The following DOCK1 variants were observed in gnomAD, a reference collection of about 807,000 sequenced individuals.
The protein encoded by DOCK1 is dedicator of cytokinesis protein 1.
Under a neutral mutation model 262.7 loss-of-function variants are expected in DOCK1, and 138 were observed. The observed-to-expected ratio is 0.53, with a 90% CI of 0.46 to 0.61. The LOEUF is 0.61. Ranked by LOEUF, DOCK1 falls within the 20% of genes least tolerant of loss-of-function variation. The pLI is 0.00. For missense variants in DOCK1, 1,908 were observed against 2,370.7 expected (o/e 0.80, Z 4.05); for synonymous variants, 866 against 867.4 (o/e 1.00, Z 0.03).
chr10:127,254,571 C>T (rs898000766), intron 28 of DOCK1, among the ~76,000 whole-genome samples: 2 of 152,226 alleles, frequency 1.3e-5, no homozygotes, highest in African/African-American at 2.4e-5. Flanking sequence ...CTTCCAGATC[C>T]CTCCATTGTG....
intron 4 of DOCK1, among the ~76,000 whole-genome samples, chr10:126,987,139 A>G (rs1375332870): frequency 1.3e-5 from 2 of 152,214 alleles, no homozygotes; most frequent in African/African-American, 4.8e-5. Context: ...CTGCATTTTA[A>G]TGCCACATGG....
chr10:127,364,210 G>A (rs1207999756), intron 33 of DOCK1, among the ~76,000 whole-genome samples: 2 of 152,140 alleles, frequency 1.3e-5, no homozygotes, highest in African/African-American at 4.8e-5. Context: ...CCGGGGAGGA[G>A]CACACAGGAG....
chr10:127,061,771 G>T lies in DOCK1; in HGVS notation c.2440G>T (p.Val814Leu). The change falls in exon 23 of 52, where the codon GTG becomes TTG. Residue 814 changes from valine (V) to leucine (L), a missense_variant. Coordinates refer to ENST00000623213, the MANE Select transcript of DOCK1 (RefSeq NM_001290223.2). Reference sequence around the variant, plus strand: ...CAGCATGTCAGACCAGACCGTCCGGGTGAAGGTGAGTGCCGGCCACTGCCA... The same window carrying T: ...CAGCATGTCAGACCAGACCGTCCGGTTGAAGGTGAGTGCCGGCCACTGCCA... ...MSSMSDQTVR[V>L]KGAALKYLPT... 6.3e-7 allele frequency: 1 copy of T among 1,581,510 alleles called. No individual in the cohort carries two copies. Among genetic ancestry groups the T allele is most frequent in the Non-Finnish European group, 8.6e-7 (1 of 1,163,476 alleles).
At position 127,033,108 on chromosome 10, in the gene DOCK1, T is replaced by A. The variant is rs573077340; in HGVS notation, c.1912+788T>A. 1.1e-4 allele frequency among the ~76,000 whole-genome samples: 16 copies of A among 152,316 alleles called. No individual in the cohort carries two copies. In the South Asian group the frequency reaches 3.3e-3, roughly 32 times the overall value. ...CTCAAAGGGCTTAGTGAGGGTTACATGAACAGTGGGCTGGGAGCTCACCTC... is the reference window on the plus strand; with the variant it reads ...CTCAAAGGGCTTAGTGAGGGTTACAAGAACAGTGGGCTGGGAGCTCACCTC... On this transcript the variant is annotated intron_variant, in intron 18 of 51. Coordinates refer to ENST00000623213, the MANE Select transcript of DOCK1 (RefSeq NM_001290223.2).
chr10:127,029,718 T>C (rs1199593041), intron 16 of DOCK1, among the ~76,000 whole-genome samples: 1 of 152,192 alleles, frequency 6.6e-6, no homozygotes, highest in African/African-American at 2.4e-5. Context: ...TAAAAAGCGG[T>C]CCATTCCTCG....
At chr10:127,364,119 C>T (rs927589432) in intron 33 of DOCK1, among the ~76,000 whole-genome samples, 1 of 152,176 alleles carries the variant, frequency 6.6e-6, no homozygotes, top group East Asian at 1.9e-4. Flanking sequence ...GCAGGGTGAG[C>T]CCCCAGTGTC....
chr10:127,053,853 G>C (rs1341692938), intron 22 of DOCK1, among the ~76,000 whole-genome samples: 6 of 152,122 alleles, frequency 3.9e-5, no homozygotes, highest in Admixed American at 3.9e-4. Flanking sequence ...TTGAGGGTGG[G>C]GTGTGGAATT....
intron 12 of DOCK1, among the ~76,000 whole-genome samples, chr10:127,016,733 C>A (rs1335547097): frequency 8.1e-4 from 46 of 57,040 alleles, no homozygotes; most frequent in African/African-American, 3.6e-3. Context: ...CACACACACA[C>A]CACACACACA....
intron 25 of DOCK1, among the ~76,000 whole-genome samples, chr10:127,120,005 C>T (rs2049448975): frequency 6.6e-6 from 1 of 152,204 alleles, no homozygotes; most frequent in South Asian, 2.1e-4. Flanking sequence ...TGAATTATTG[C>T]TGTCTGTAAT....
chr10:126,927,688 C>A (rs1023253017), intron 1 of DOCK1, among the ~76,000 whole-genome samples: 10 of 152,172 alleles, frequency 6.6e-5, no homozygotes, highest in Admixed American at 2.6e-4. Context: ...CCGCCCACCT[C>A]GGCCTCCCAA....
chr10:126,941,634 T>C (rs920619973), intron 1 of DOCK1, among the ~76,000 whole-genome samples: 1 of 152,046 alleles, frequency 6.6e-6, no homozygotes, highest in African/African-American at 2.4e-5. Flanking sequence ...CGGGTGCCTG[T>C]AGTCCCGCTA....
intron 43 of DOCK1, 29 bp from the exon 44 acceptor site, chr10:127,415,123 C>G (rs572042764): frequency 1.3e-6 from 2 of 1,597,600 alleles, no homozygotes; most frequent in Non-Finnish European, 1.7e-6. Context: ...CCTTCTAACC[C>G]GTGTTGTGTG....
intron 23 of DOCK1, among the ~76,000 whole-genome samples, chr10:127,074,617 C>G (rs2046408831): frequency 6.6e-6 from 1 of 152,084 alleles, no homozygotes; most frequent in African/African-American, 2.4e-5. Flanking sequence ...AAAAGTGTAT[C>G]TTATTAAAAC....
At chr10:126,998,071 T>C (rs1472677070) in intron 7 of DOCK1, 21 bp from the exon 8 acceptor site, 2 of 1,613,326 alleles carry the variant, frequency 1.2e-6, no homozygotes, top group Non-Finnish European at 8.5e-7. Flanking sequence ...GGGTTGACTT[T>C]CTGTTTCCTT....
intron 27 of DOCK1, among the ~76,000 whole-genome samples, chr10:127,190,949 A>G (rs1371836718): frequency 2.0e-5 from 3 of 151,848 alleles, no homozygotes; most frequent in Non-Finnish European, 4.4e-5. Context: ...CTGAGAATAT[A>G]TGTTCTTGTT....
intron 25 of DOCK1, among the ~76,000 whole-genome samples, chr10:127,122,222 G>A (rs2049634309): frequency 6.6e-6 from 1 of 152,140 alleles, no homozygotes; most frequent in South Asian, 2.1e-4. Flanking sequence ...CCTTTCTTTG[G>A]GGGCCTGGGA....
chr10:127,024,786 AT>A lies in DOCK1; in HGVS notation c.1551+5del. ...CACGCTGGTTTGAGACTGTTAAGGT[AT>A]TATTTACATGGTCATTTTATCACAT... is the stretch of plus-strand genomic sequence containing the variant. On this transcript the variant is annotated splice_donor_region_variant and intron_variant, in intron 15 of 51. Transcript: ENST00000623213. 6.3e-7 allele frequency: 1 copy of A among 1,595,342 alleles called. No individual in the cohort carries two copies. Among genetic ancestry groups the A allele is most frequent in the East Asian group, 2.2e-5 (1 of 44,486 alleles).
intron 1 of DOCK1, among the ~76,000 whole-genome samples, chr10:126,926,125 C>T (rs967611215): frequency 1.3e-5 from 2 of 152,088 alleles, no homozygotes; most frequent in Non-Finnish European, 2.9e-5. Flanking sequence ...GTAAAATGTT[C>T]AGCATCGTGC....
At chr10:127,119,087 A>G (rs2049372807) in intron 25 of DOCK1, among the ~76,000 whole-genome samples, 1 of 146,712 alleles carries the variant, frequency 6.8e-6, no homozygotes, top group Non-Finnish European at 1.5e-5. Context: ...TCTGTCACCC[A>G]GGCTGGAGTG....
Sources: allele counts gnomAD v4.1 joint callset (sites outside exome capture counted in the v4.1 genomes callset), GRCh38; gene constraint gnomAD v4.1.1; transcripts MANE v1.5; gene names NCBI Gene and HGNC (gene_info 2026-07-23, HGNC 2026-07-21).